Variants in NRDC observed in about 807,000 individuals in gnomAD.
NRDC encodes the protein nardilysin convertase.
A neutral mutation model predicts 147.1 loss-of-function variants in NRDC; 54 were observed. That is an observed-to-expected ratio of 0.37 (90% CI 0.29 to 0.46). The LOEUF (loss-of-function observed/expected upper bound fraction) is 0.46. Ranked by LOEUF, NRDC falls within the 20% of genes least tolerant of loss-of-function variation. The pLI, the probability that NRDC is intolerant of heterozygous loss-of-function variation, is 1.00. For synonymous variants in NRDC, 440 were observed against 482.1 expected, an observed-to-expected ratio of 0.91 and a Z score of 1.14; for missense variants, 1,082 against 1,370.6, an observed-to-expected ratio of 0.79 and a Z score of 3.33.
intron 1 of NRDC, among the ~76,000 whole-genome samples, chr1:51,846,646 G>A (rs148329843): frequency 5.9e-5 from 9 of 152,170 alleles, no homozygotes; most frequent in African/African-American, 1.7e-4. Context: ...AGACCTTCAG[G>A]GTGAGTGTTA....
At chr1:51,823,110 G>A (rs1680279107) in intron 7 of NRDC, among the ~76,000 whole-genome samples, 1 of 152,148 alleles carries the variant, frequency 6.6e-6, no homozygotes, top group Non-Finnish European at 1.5e-5. Context: ...AGTTACTGAA[G>A]ACAATGATAA....
In NRDC at chr1:51,789,235, T is replaced by TTTA. The variant is rs758610866; in HGVS notation, c.3454_3456dup. On this transcript the variant is annotated 3_prime_UTR_variant, in exon 31 of 31. Coordinates refer to ENST00000352171, the MANE Select transcript of NRDC (RefSeq NM_001101662.2). The stretch of plus-strand genomic sequence containing the variant: ...TTCAGGCCAACGTGACTGCAGTTTA[T>TTTA]TTATTTGACTATTTTATGGTAGGGG... The TTTA allele has an allele frequency of 1.9e-6, 3 of 1,609,834 alleles. No homozygotes were observed. The highest frequency in any genetic ancestry group is 1.4e-5 in the African/African-American group (1 of 71,434).
intron 1 of NRDC, among the ~76,000 whole-genome samples, chr1:51,865,676 C>T (rs1682769942): frequency 6.6e-6 from 1 of 152,102 alleles, no homozygotes; most frequent in South Asian, 2.1e-4. Flanking sequence ...ATGATGCCTT[C>T]TCCACTCCCA....
chr1:51,856,054 G>A (rs1361582877), intron 1 of NRDC, among the ~76,000 whole-genome samples: 1 of 152,040 alleles, frequency 6.6e-6, no homozygotes, highest in East Asian at 1.9e-4. Context: ...GCTGATAAGT[G>A]GACAGATTAT....
chr1:51,820,029 C>G (rs780205055), intron 8 of NRDC, among the ~76,000 whole-genome samples, 156 bp from the exon 9 acceptor site: 66 of 152,184 alleles, frequency 4.3e-4, no homozygotes, highest in Non-Finnish European at 1.8e-4. Flanking sequence ...AACACAGCCA[C>G]AAAATCTTCA....
chr1:51,792,702 G>T (rs1385156823), intron 24 of NRDC, among the ~76,000 whole-genome samples: 1 of 152,180 alleles, frequency 6.6e-6, no homozygotes, highest in Non-Finnish European at 1.5e-5. Flanking sequence ...GCCAGATCCT[G>T]TCAGAGGACA....
intron 23 of NRDC, 25 bp from the exon 24 acceptor site, chr1:51,794,635 C>G (rs1034136351): frequency 1.2e-6 from 2 of 1,611,166 alleles, no homozygotes; most frequent in East Asian, 2.2e-5. Flanking sequence ...GTATGGGTCA[C>G]TGAGGCACCC....
chr1:51,795,258 T>C lies in NRDC; in HGVS notation c.2605-404A>G, dbSNP rs115937105. The C allele has an allele frequency of 1.0e-3, 1,262 of 1,231,458 alleles. 15 individuals carry two copies. In the African/African-American group the frequency reaches 0.017, roughly 17 times the overall value. 76.3% of individuals were successfully genotyped at this position (1,231,458 alleles called of 1,614,324 possible). ...TTTAATACTGAGTGAATACATCCTC[T>C]TCCCTTCTTAAGAATTCTGTTTTCT... On this transcript the variant is annotated intron_variant, in intron 22 of 30. Coordinates refer to ENST00000352171, the MANE Select transcript of NRDC (RefSeq NM_001101662.2).
chr1:51,871,037 C>T (rs187346959), intron 1 of NRDC, among the ~76,000 whole-genome samples: 2 of 152,204 alleles, frequency 1.3e-5, no homozygotes, highest in Admixed American at 1.3e-4. Context: ...TCACTCTTGG[C>T]CGGGCGTGGT....
At chr1:51,802,279 C>A (rs904166092) in intron 20 of NRDC, among the ~76,000 whole-genome samples, 11 of 152,010 alleles carry the variant, frequency 7.2e-5, no homozygotes, top group Non-Finnish European at 1.6e-4. Context: ...TTGAATTATT[C>A]TTTTTGCTAA....
chr1:51,850,460 C>G (rs1681893506), intron 1 of NRDC, among the ~76,000 whole-genome samples: 1 of 152,200 alleles, frequency 6.6e-6, no homozygotes, highest in Admixed American at 6.5e-5. Context: ...AACAGGGACA[C>G]CTTTTAAGGG....
At chr1:51,811,417 C>G (rs1679708274) in intron 15 of NRDC, among the ~76,000 whole-genome samples, 1 of 152,148 alleles carries the variant, frequency 6.6e-6, no homozygotes, top group Non-Finnish European at 1.5e-5. Flanking sequence ...ACCAAAATGT[C>G]TCCGGACAGT....
At chr1:51,875,376 C>T (rs1272093946) in intron 1 of NRDC, among the ~76,000 whole-genome samples, 2 of 152,130 alleles carry the variant, frequency 1.3e-5, no homozygotes, top group Non-Finnish European at 2.9e-5. Flanking sequence ...CTAAGAAGGA[C>T]AATGACTTGG....
intron 14 of NRDC, among the ~76,000 whole-genome samples, chr1:51,813,575 C>A (rs183392964): frequency 1.3e-5 from 2 of 152,286 alleles, no homozygotes; most frequent in African/African-American, 4.8e-5. Context: ...GGATTACAGG[C>A]ATGAGCCACA....
At chr1:51,802,524 A>G (rs1435933580) in intron 20 of NRDC, among the ~76,000 whole-genome samples, 1 of 152,218 alleles carries the variant, frequency 6.6e-6, no homozygotes, top group Non-Finnish European at 1.5e-5. Flanking sequence ...TTAGGCTTTA[A>G]TCTGCTTGAA....
In NRDC at chr1:51,800,640, G is replaced by T. The variant is rs371997796; in HGVS notation, c.2357C>A (p.Ser786Tyr). Reference sequence around the variant, plus strand: ...TATCATTGTAAAGACAGCTGGTGTGGAATTGAACTCAGCTAAGTAGTCAAT... The same window carrying T: ...TATCATTGTAAAGACAGCTGGTGTGTAATTGAACTCAGCTAAGTAGTCAAT... ...LIIDYLAEFN[S>Y]TPAVFTMITE... The change falls in exon 21 of 31, where the codon TCC becomes TAC. Residue 786 changes from serine (S) to tyrosine (Y), a missense_variant. Physicochemically the swap from Ser to Tyr is moderately radical, Grantham distance 144. Around this residue, in one of 3 missense-constraint regions of NRDC, gnomAD observed 635 missense variants for 923.8 expected, o/e 0.69. Transcript: ENST00000352171. 1.2e-6 allele frequency: 2 copies of T among 1,613,742 alleles called. No individual in the cohort carries two copies. Among genetic ancestry groups the T allele is most frequent in the Non-Finnish European group, 8.5e-7 (1 of 1,179,656 alleles).
intron 28 of NRDC, 44 bp from the exon 29 acceptor site, chr1:51,790,693 C>A (rs1277957283): frequency 7.4e-7 from 1 of 1,352,130 alleles, no homozygotes. Flanking sequence ...GGCAACATAC[C>A]ACTTCCCACA....
chr1:51,878,311 T>G lies in NRDC; in HGVS notation c.305A>C (p.Glu102Ala). The change falls in exon 1 of 31, where the codon GAG (glutamate) becomes GCG (alanine). Residue 102 changes from glutamate (E) to alanine (A), a missense_variant. Physicochemically the swap from Glu to Ala is moderately radical, Grantham distance 107. Transcript: ENST00000352171. ...GGGGTCGCTGGGAGACTTGACGATC[T>G]CAGGGTCCCCAGCATTACTGAGAGA... ...RGSLSNAGDP[E>A]IVKSPSDPKQ... 1 of 1,614,020 alleles carries G rather than the reference T, an allele frequency of 6.2e-7. No individual in the cohort carries two copies. Among genetic ancestry groups the G allele is most frequent in the Non-Finnish European group, 8.5e-7 (1 of 1,179,958 alleles).
chr1:51,862,064 C>T (rs1682569431), intron 1 of NRDC: 1 of 152,152 alleles, frequency 6.6e-6, no homozygotes. Context: ...AATGAGTTAT[C>T]ATAGGTAATT....
Sources: gnomAD v4.1 joint callset for allele counts (sites outside exome capture counted in the v4.1 genomes callset) on GRCh38, gnomAD v4.1.1 for gene constraint, gnomAD v4.1.1 regional missense constraint, MANE v1.5 for transcripts, NCBI Gene and HGNC (gene_info 2026-07-23, HGNC 2026-07-21) for gene names.